Variants in ZNF469 observed in about 807,000 individuals in gnomAD.
ZNF469 encodes zinc finger protein 469.
ZNF469 carries 1 observed loss-of-function variant against 1.0 expected under a neutral mutation model. The observed-to-expected ratio is 1.00, with a 90% CI of 0.35 to 4.73. The LOEUF is 4.73. ZNF469 is among the 30% of genes most tolerant of loss of function. ZNF469 has a pLI of 0.16. For synonymous variants in ZNF469, 2,703 were observed against 2,363.4 expected, an observed-to-expected ratio of 1.14 and a Z score of -4.17; for missense variants, 6,100 against 5,356.3, an observed-to-expected ratio of 1.14 and a Z score of -4.33.
chr16:88,412,923 C>T (rs1273423653), intron 1 of ZNF469, among the ~76,000 whole-genome samples: 1 of 152,210 alleles, frequency 6.6e-6, no homozygotes, highest in Admixed American at 6.5e-5. Context: ...CTGGCAGCCA[C>T]AGCCACAGCC....
the ZNF469 span, among the ~76,000 whole-genome samples, chr16:88,234,579 C>G: frequency 1.3e-5 from 2 of 152,254 alleles, no homozygotes; most frequent in Non-Finnish European, 2.9e-5. Flanking sequence ...GCCTGTGGAT[C>G]ATCCACCAGG....
chr16:88,258,951 T>A, the ZNF469 span, among the ~76,000 whole-genome samples: 131 of 152,228 alleles, frequency 8.6e-4, 1 homozygote, highest in African/African-American at 3.0e-3. Flanking sequence ...CGTGGGGTGG[T>A]AGAGATTTGA....
Position 88,406,486 on chromosome 16 carries a change from C to T in ZNF469, c.-191-18321C>T, listed in dbSNP as rs757755003. Among the ~76,000 whole-genome samples the T allele has an allele frequency of 4.5e-4, 69 of 152,222 alleles. 1 individual carries two copies. The highest frequency in any genetic ancestry group is 1.8e-4 in the Non-Finnish European group (12 of 68,044). ...CCATGGCCAGGGTCCAGGTAGCCTG[C>T]GCCTGCCGCCTGCAGCTCAGCAGAG... is the stretch of plus-strand genomic sequence containing the variant. On this transcript the variant is annotated intron_variant, in intron 1 of 2. Coordinates refer to ENST00000565624, the MANE Select transcript of ZNF469 (RefSeq NM_001367624.2).
the ZNF469 span, among the ~76,000 whole-genome samples, chr16:88,340,148 G>A: frequency 1.3e-5 from 2 of 152,184 alleles, no homozygotes; most frequent in Admixed American, 1.3e-4. Context: ...AGCCGACATG[G>A]CTGAGCCGGC....
At chr16:88,153,655 C>T in the ZNF469 span, among the ~76,000 whole-genome samples, 1 of 152,246 alleles carries the variant, frequency 6.6e-6, no homozygotes, top group African/African-American at 2.4e-5. Context: ...GCCTGCAAGG[C>T]ACACAGCCCC....
At chr16:88,260,819 TTGTTC>T in the ZNF469 span, among the ~76,000 whole-genome samples, 1 of 152,084 alleles carries the variant, frequency 6.6e-6, no homozygotes, top group African/African-American at 2.4e-5. This position sits in a 1 kb window ranked among gnomAD's most constrained non-coding sequence, Gnocchi z 4.1. Context: ...GATGGAAAGA[TTGTTC>T]TGAACCATGG....
the ZNF469 span, among the ~76,000 whole-genome samples, chr16:88,291,013 G>A: frequency 6.6e-6 from 1 of 152,160 alleles, no homozygotes; most frequent in African/African-American, 2.4e-5. Flanking sequence ...TGCCACATGG[G>A]GTATCTGGGA....
the ZNF469 span, among the ~76,000 whole-genome samples, chr16:88,209,346 A>C: frequency 1.3e-5 from 2 of 150,586 alleles, no homozygotes; most frequent in African/African-American, 4.9e-5. Context: ...GCTGGAGTGC[A>C]GTGGCGCGAC....
At chr16:88,205,352 A>G in the ZNF469 span, among the ~76,000 whole-genome samples, 2 of 152,180 alleles carry the variant, frequency 1.3e-5, no homozygotes, top group African/African-American at 2.4e-5. The surrounding 1 kb of genome is among the most constrained non-coding windows in gnomAD (Gnocchi z 4.2). Context: ...GGAGGCTCCT[A>G]AAGGGTACAG....
chr16:88,223,175 T>G, the ZNF469 span, among the ~76,000 whole-genome samples: 2 of 152,200 alleles, frequency 1.3e-5, no homozygotes, highest in Non-Finnish European at 2.9e-5. Flanking sequence ...GTGTCCATAA[T>G]TCCCATGGGT....
the ZNF469 span, among the ~76,000 whole-genome samples, chr16:88,318,999 G>A: frequency 2.6e-5 from 4 of 152,214 alleles, no homozygotes; most frequent in South Asian, 2.1e-4. Context: ...AGGACCAGAC[G>A]GGGCACCCCA....
At chr16:88,148,580 C>G in the ZNF469 span, among the ~76,000 whole-genome samples, 2 of 152,200 alleles carry the variant, frequency 1.3e-5, no homozygotes, top group African/African-American at 2.4e-5. Context: ...TCATGGGACC[C>G]TTTCTCCAGG....
chr16:88,179,038 C>T, the ZNF469 span: 1,179 of 152,418 alleles, frequency 7.7e-3, 14 homozygotes, highest in Admixed American at 0.032. Flanking sequence ...ACCCCCAACC[C>T]GAAGACGGGC....
the ZNF469 span, among the ~76,000 whole-genome samples, chr16:88,356,207 CAG>C: frequency 9.2e-5 from 14 of 152,150 alleles, no homozygotes; most frequent in Non-Finnish European, 1.6e-4. Context: ...GCTCTGGGCA[CAG>C]AGAGTTCAAT....
chr16:88,168,476 T>A, the ZNF469 span, among the ~76,000 whole-genome samples: 10 of 151,444 alleles, frequency 6.6e-5, no homozygotes, highest in African/African-American at 2.5e-4. The surrounding 1 kb of genome is among the most constrained non-coding windows in gnomAD (Gnocchi z 4.3). Context: ...GGGTCGCTCA[T>A]GTGTGATTGT....
At chr16:88,229,917 T>A in the ZNF469 span, among the ~76,000 whole-genome samples, 4 of 152,070 alleles carry the variant, frequency 2.6e-5, no homozygotes, top group Non-Finnish European at 5.9e-5. Context: ...GGCCAGTGGC[T>A]CTCCCGGGGG....
intron 1 of ZNF469, among the ~76,000 whole-genome samples, chr16:88,403,347 G>T (rs184397398): frequency 6.6e-6 from 1 of 152,348 alleles, no homozygotes; most frequent in African/African-American, 2.4e-5. Context: ...CCTCTGCGTG[G>T]GTTTGGTGGC....
At chr16:88,266,585 G>T in the ZNF469 span, among the ~76,000 whole-genome samples, 2 of 152,258 alleles carry the variant, frequency 1.3e-5, no homozygotes, top group Non-Finnish European at 2.9e-5. Context: ...AATGGTGGAG[G>T]TTGGAGAAGC....
rs1226399502 is a variant in ZNF469 at position 88,439,178 on chromosome 16, G to A, written c.11708G>A (p.Arg3903Lys). The A allele has an allele frequency of 1.3e-6, 2 of 1,550,472 alleles. No homozygotes were observed. Among genetic ancestry groups the A allele is most frequent in the African/African-American group, 1.4e-5 (1 of 73,196 alleles). The change falls in exon 3 of 3, where the codon AGG becomes AAG. Residue 3903 changes from arginine (R) to lysine (K), a missense_variant. Coordinates refer to ENST00000565624, the MANE Select transcript of ZNF469 (RefSeq NM_001367624.2). ...KAFPQGRPLL[R>K]PPKRGTAVHG... is the part of the protein sequence containing the mutation. The stretch of plus-strand genomic sequence containing the variant: ...TTCCCCCAGGGGAGACCCCTGCTCA[G>A]GCCCCCCAAGAGGGGCACAGCTGTC...
Sources: gnomAD v4.1 joint callset for allele counts (sites outside exome capture counted in the v4.1 genomes callset) on GRCh38, gnomAD v4.1.1 for gene constraint, Gnocchi (gnomAD v3.1) non-coding constraint, MANE v1.5 for transcripts, NCBI Gene and HGNC (gene_info 2026-07-23, HGNC 2026-07-21) for gene names.